Variants in LIPA observed in about 807,000 individuals in gnomAD.
LIPA encodes the protein lysosomal acid lipase/cholesteryl ester hydrolase.
A neutral mutation model predicts 40.6 loss-of-function variants in LIPA; 26 were observed. The observed-to-expected ratio is 0.64, with a 90% CI of 0.47 to 0.89. The LOEUF is 0.89. Ranked by LOEUF, LIPA falls within the 40% of genes least tolerant of loss-of-function variation. The pLI, the probability that LIPA is intolerant of heterozygous loss-of-function variation, is 0.00. For synonymous variants in LIPA, 188 were observed against 168.4 expected, an observed-to-expected ratio of 1.12 and a Z score of -0.90; for missense variants, 455 against 479.6, an observed-to-expected ratio of 0.95 and a Z score of 0.48.
intron 2 of LIPA, among the ~76,000 whole-genome samples, chr10:89,387,208 C>T (rs1482085707): frequency 2.0e-5 from 3 of 149,722 alleles, no homozygotes; most frequent in South Asian, 2.1e-4. Context: ...CCCAGCTACT[C>T]GGGAGGCTGA....
chr10:89,393,386 C>G (rs369764338), intron 2 of LIPA: 8 of 988,714 alleles, frequency 8.1e-6, no homozygotes, highest in East Asian at 6.1e-5. Flanking sequence ...TGGGAAGATC[C>G]GTATCTTCCT....
At chr10:89,301,826 C>T (rs774131327) in intron 1 of LIPA, 8 of 310,010 alleles carry the variant, frequency 2.6e-5, no homozygotes, top group Non-Finnish European at 4.9e-5. Flanking sequence ...AGCACCAGGC[C>T]GATGAAACAT....
At chr10:89,256,865 C>T (rs1399145494) in intron 1 of LIPA, among the ~76,000 whole-genome samples, 1 of 152,138 alleles carries the variant, frequency 6.6e-6, no homozygotes, top group Non-Finnish European at 1.5e-5. Flanking sequence ...TGCTTTGGGC[C>T]ATTGTGAGCC....
At chr10:89,289,110 TC>T (rs1174800228) in intron 1 of LIPA, among the ~76,000 whole-genome samples, 1 of 150,354 alleles carries the variant, frequency 6.7e-6, no homozygotes, top group Non-Finnish European at 1.5e-5. Flanking sequence ...TTTCTCCTTC[TC>T]AATGGTCACT....
intron 1 of LIPA, among the ~76,000 whole-genome samples, chr10:89,311,021 A>G (rs966787065): frequency 2.0e-5 from 3 of 152,260 alleles, no homozygotes; most frequent in African/African-American, 7.2e-5. Context: ...GTGTTTATAC[A>G]GATATAATCT....
intron 1 of LIPA, among the ~76,000 whole-genome samples, chr10:89,286,348 C>G (rs1843340934): frequency 6.6e-6 from 1 of 152,058 alleles, no homozygotes; most frequent in Non-Finnish European, 1.5e-5. Context: ...CTGCTCCTAG[C>G]CAGGCCGAGC....
upstream of LIPA, among the ~76,000 whole-genome samples, chr10:89,344,224 C>A (rs1470792693): frequency 6.6e-6 from 1 of 152,164 alleles, no homozygotes; most frequent in Non-Finnish European, 1.5e-5. Flanking sequence ...TTTAAATGCA[C>A]AGCTGCATTT....
chr10:89,393,398 A>C, intron 2 of LIPA: 2 of 864,070 alleles, frequency 2.3e-6, no homozygotes, highest in Non-Finnish European at 3.1e-6. Context: ...TATCTTCCTT[A>C]CCTAAAGGGC....
intron 1 of LIPA, chr10:89,339,995 G>A (rs748720499): frequency 6.2e-7 from 1 of 1,614,214 alleles, no homozygotes; most frequent in East Asian, 2.2e-5. Flanking sequence ...CGCCTGCTAA[G>A]GGATGCCCCT....
intron 2 of LIPA, among the ~76,000 whole-genome samples, chr10:89,373,782 T>A (rs1458653702): frequency 2.0e-5 from 3 of 152,188 alleles, no homozygotes; most frequent in African/African-American, 7.2e-5. Context: ...CAACAAATCA[T>A]CTGGACATGT....
intron 2 of LIPA, among the ~76,000 whole-genome samples, chr10:89,359,908 G>A (rs190875937): frequency 6.1e-4 from 92 of 151,580 alleles, no homozygotes; most frequent in African/African-American, 2.1e-3. Flanking sequence ...TGTTCTGCTT[G>A]GTAATTAGCT....
intron 2 of LIPA, chr10:89,412,731 T>C (rs1176781912): frequency 2.3e-6 from 1 of 438,070 alleles, no homozygotes; most frequent in South Asian, 1.6e-5. Flanking sequence ...TTAAGATCTG[T>C]AACACTCACT....
chr10:89,312,067 T>G (rs1843519563), intron 1 of LIPA, among the ~76,000 whole-genome samples: 1 of 152,216 alleles, frequency 6.6e-6, no homozygotes, highest in African/African-American at 2.4e-5. Context: ...TCCTTCAAGT[T>G]TCTCTTTCTA....
intron 1 of LIPA, among the ~76,000 whole-genome samples, chr10:89,286,093 C>G (rs1843339732): frequency 6.6e-6 from 1 of 152,162 alleles, no homozygotes; most frequent in Admixed American, 6.5e-5. Flanking sequence ...TTTGATTTCT[C>G]CATCCTACAA....
intron 2 of LIPA, chr10:89,402,523 A>T (rs1322076765): frequency 6.2e-7 from 1 of 1,614,012 alleles, no homozygotes; most frequent in Non-Finnish European, 8.5e-7. Context: ...AACTTAATGC[A>T]GGAAGAACAT....
intron 1 of LIPA, among the ~76,000 whole-genome samples, chr10:89,287,790 A>T (rs971341029): frequency 6.6e-5 from 10 of 151,130 alleles, no homozygotes; most frequent in African/African-American, 4.9e-5. Context: ...CCCCCATTTT[A>T]CCTCTCCAAA....
intron 1 of LIPA, among the ~76,000 whole-genome samples, chr10:89,318,538 C>G (rs1037700861): frequency 3.9e-5 from 6 of 152,110 alleles, no homozygotes; most frequent in Middle Eastern, 3.2e-3. Context: ...ATGCACCCAA[C>G]ACAGGAGCAC....
At chr10:89,272,502 G>T (rs553416472) in intron 1 of LIPA, among the ~76,000 whole-genome samples, 1 of 152,302 alleles carries the variant, frequency 6.6e-6, no homozygotes, top group East Asian at 1.9e-4. Context: ...CTATCATAGG[G>T]GCATTTAGGT....
intron 3 of LIPA, among the ~76,000 whole-genome samples, chr10:89,239,792 T>C (rs543416409): frequency 1.3e-5 from 2 of 152,214 alleles, no homozygotes; most frequent in South Asian, 2.1e-4. Context: ...TCTTCCTCCT[T>C]TGGGGCCTCT....
Sources: allele counts gnomAD v4.1 joint callset (sites outside exome capture counted in the v4.1 genomes callset), GRCh38; gene constraint gnomAD v4.1.1; transcripts MANE v1.5; gene names NCBI Gene and HGNC (gene_info 2026-07-23, HGNC 2026-07-21).